The following PLEKHA7 variants were observed in gnomAD, a reference collection of about 807,000 sequenced individuals.
PLEKHA7 encodes the protein pleckstrin homology domain containing A7.
PLEKHA7 carries 104 observed loss-of-function variants against 170.0 expected under a neutral mutation model. That is an observed-to-expected ratio of 0.61 (90% CI 0.52 to 0.72). The LOEUF is 0.72. PLEKHA7 is among the 30% of genes least tolerant of loss of function. The pLI is 0.00. For synonymous variants in PLEKHA7, 648 were observed against 660.8 expected, an observed-to-expected ratio of 0.98 and a Z score of 0.30; for missense variants, 1,615 against 1,671.7, an observed-to-expected ratio of 0.97 and a Z score of 0.59.
chr11:16,805,743 T>C (rs1010829797), intron 13 of PLEKHA7, among the ~76,000 whole-genome samples: 3 of 147,582 alleles, frequency 2.0e-5, no homozygotes, highest in African/African-American at 5.1e-5. Context: ...TGAGTTGAGA[T>C]TGCGCCACTG....
At position 16,939,521 on chromosome 11, in the gene PLEKHA7, G is replaced by A. The variant is rs765295391; in HGVS notation, c.222-68339C>T. ...ATAATAGGAAATTTTAAAAATTTAC[G>A]TATTTAGTTTTTATTGAGTCAATTT... On this transcript the variant is annotated intron_variant, in intron 3 of 26. Coordinates refer to ENST00000531066, the MANE Select transcript of PLEKHA7 (RefSeq NM_001329630.2). 7.9e-5 allele frequency among the ~76,000 whole-genome samples: 12 copies of A among 152,250 alleles called. No individual in the cohort carries two copies. The South Asian group carries it at 1.5e-3, about 18-fold the overall frequency.
chr11:16,798,794 C>A (rs979469821), intron 17 of PLEKHA7, among the ~76,000 whole-genome samples: 2 of 152,132 alleles, frequency 1.3e-5, no homozygotes, highest in African/African-American at 4.8e-5. Flanking sequence ...CAAGTCCACT[C>A]CTAGGAGCCT....
In PLEKHA7 at chr11:16,817,984, T is replaced by C. The variant is rs1303426238; in HGVS notation, c.1344-662A>G. On this transcript the variant is annotated intron_variant, in intron 10 of 26. Transcript: ENST00000531066. This position sits in a 1 kb window ranked among gnomAD's most constrained non-coding sequence, Gnocchi z 4.4. Reference sequence around the variant, plus strand: ...GACCTCAACACCCACCTTGCAGGCCTGCTGTTTTCTCACTGCTCTTCCTAC... The same window carrying C: ...GACCTCAACACCCACCTTGCAGGCCCGCTGTTTTCTCACTGCTCTTCCTAC... 6.6e-6 allele frequency among the ~76,000 whole-genome samples: 1 copy of C among 152,160 alleles called. No homozygotes were observed. The highest frequency in any genetic ancestry group is 2.4e-5 in the African/African-American group (1 of 41,440).
intron 9 of PLEKHA7, among the ~76,000 whole-genome samples, chr11:16,837,479 G>A (rs1851607511): frequency 6.6e-6 from 1 of 152,114 alleles, no homozygotes. Context: ...AACCCATTTT[G>A]CCATCTCTAG....
intron 3 of PLEKHA7, among the ~76,000 whole-genome samples, chr11:16,891,070 C>CTCTATTCTATTCTATTCTAT (rs147769098): frequency 0.25 from 37,416 of 149,708 alleles, 5,672 homozygotes; most frequent in East Asian, 0.44. Flanking sequence ...GACTATTATT[C>CTCTATTCTATTCTATTCTAT]TCTATTCTAT....
At chr11:16,799,442 T>C (rs973991804) in intron 17 of PLEKHA7, among the ~76,000 whole-genome samples, 3 of 152,226 alleles carry the variant, frequency 2.0e-5, no homozygotes, top group Non-Finnish European at 2.9e-5. Flanking sequence ...GAGGAACTTT[T>C]ATATCATTTT....
chr11:16,777,593 G>GT lies in PLEKHA7; in HGVS notation c.*1404dup, dbSNP rs559403909. 30 of 152,200 alleles carry GT rather than the reference G, an allele frequency of 2.0e-4. No individual in the cohort carries two copies. The highest frequency in any genetic ancestry group is 7.2e-4 in the African/African-American group (30 of 41,524). The allele number at this position is 152,200 out of a possible 1,614,324, so 9.4% of individuals were successfully genotyped here. ...CCCAATGGAGGTTTTCGTTGTTGTT[G>GT]TTTTTTCCATTTAAACGTCATTGTT... On this transcript the variant is annotated 3_prime_UTR_variant, in exon 27 of 27. Coordinates refer to ENST00000531066, the MANE Select transcript of PLEKHA7 (RefSeq NM_001329630.2).
At chr11:16,889,101 A>T (rs1405877674) in intron 3 of PLEKHA7, among the ~76,000 whole-genome samples, 1 of 151,824 alleles carries the variant, frequency 6.6e-6, no homozygotes, top group Non-Finnish European at 1.5e-5. Context: ...TAAAACAGCC[A>T]GTTCCTGCCT....
At chr11:16,954,751 C>T (rs1015214796) in intron 3 of PLEKHA7, among the ~76,000 whole-genome samples, 4 of 150,942 alleles carry the variant, frequency 2.7e-5, no homozygotes, top group South Asian at 2.1e-4. Flanking sequence ...AGTGCAATGG[C>T]GCAATCTCGG....
Position 16,817,429 on chromosome 11 carries a change from G to A in PLEKHA7, c.1344-107C>T. On this transcript the variant is annotated intron_variant, in intron 10 of 26. Transcript: ENST00000531066. The surrounding 1 kb of genome is among the most constrained non-coding windows in gnomAD (Gnocchi z 4.4). ...AAAGCTGGGCATGTGGGACAGTCCTGTAAGAACCTCAAAAGAATGATCAAG... is the reference window on the plus strand; with the variant it reads ...AAAGCTGGGCATGTGGGACAGTCCTATAAGAACCTCAAAAGAATGATCAAG... 8.8e-7 allele frequency: 1 copy of A among 1,138,774 alleles called. No homozygotes were observed. The highest frequency in any genetic ancestry group is 1.2e-6 in the Non-Finnish European group (1 of 824,542). 70.5% of individuals were successfully genotyped at this position (1,138,774 alleles called of 1,614,324 possible).
intron 8 of PLEKHA7, among the ~76,000 whole-genome samples, chr11:16,850,027 G>A (rs886513624): frequency 6.6e-6 from 1 of 152,180 alleles, no homozygotes; most frequent in African/African-American, 2.4e-5. Context: ...AGATCAAGGT[G>A]TTGATAGAGA....
chr11:16,876,604 G>A (rs1410632636), intron 3 of PLEKHA7, among the ~76,000 whole-genome samples: 1 of 152,176 alleles, frequency 6.6e-6, no homozygotes. Context: ...AAGTACTTGG[G>A]TTAAGCCCTA....
chr11:16,906,270 GGAAGGAAGGAAA>G (rs1239424076), intron 3 of PLEKHA7, among the ~76,000 whole-genome samples: 11 of 91,982 alleles, frequency 1.2e-4, no homozygotes, highest in Non-Finnish European at 1.7e-4. Flanking sequence ...AAGGAAGGAA[GGAAGGAAGGAAA>G]GAAAGAAAAT....
intron 23 of PLEKHA7, chr11:16,786,937 A>G: frequency 1.0e-6 from 1 of 985,464 alleles, no homozygotes; most frequent in Non-Finnish European, 1.2e-6. Context: ...CTTGGAGCCA[A>G]TGAGGCAGAA....
intron 8 of PLEKHA7, among the ~76,000 whole-genome samples, chr11:16,843,110 C>A (rs1030061091): frequency 6.6e-6 from 1 of 152,200 alleles, no homozygotes; most frequent in Non-Finnish European, 1.5e-5. Context: ...GAGTGCCTAG[C>A]ACATAGTAGA....
intron 3 of PLEKHA7, among the ~76,000 whole-genome samples, chr11:16,989,890 T>C (rs1391605351): frequency 1.3e-5 from 2 of 152,112 alleles, no homozygotes; most frequent in South Asian, 4.1e-4. Context: ...ATTTATTTCA[T>C]AAGGGCTTGA....
At chr11:16,939,537 G>A (rs979859041) in intron 3 of PLEKHA7, among the ~76,000 whole-genome samples, 1 of 152,190 alleles carries the variant, frequency 6.6e-6, no homozygotes, top group Non-Finnish European at 1.5e-5. Context: ...AGTTTTTATT[G>A]AGTCAATTTA....
chr11:16,787,879 C>T (rs1457903079), intron 23 of PLEKHA7: 2 of 152,210 alleles, frequency 1.3e-5, no homozygotes, highest in Non-Finnish European at 2.9e-5. Flanking sequence ...TGTCCTGGGC[C>T]TTACCCCTTT....
intron 3 of PLEKHA7, among the ~76,000 whole-genome samples, chr11:16,934,172 G>A (rs2136346746): frequency 1.3e-5 from 2 of 152,072 alleles, no homozygotes; most frequent in Non-Finnish European, 2.9e-5. Context: ...TCCCTTTTTT[G>A]GTCCTCCTAT....
Sources: allele counts gnomAD v4.1 joint callset (sites outside exome capture counted in the v4.1 genomes callset), GRCh38; gene constraint gnomAD v4.1.1; non-coding constraint Gnocchi (gnomAD v3.1); transcripts MANE v1.5; gene names NCBI Gene and HGNC (gene_info 2026-07-23, HGNC 2026-07-21).